The following MACROD2 variants were observed in gnomAD, a reference collection of about 807,000 sequenced individuals.
The protein encoded by MACROD2 is ADP-ribose glycohydrolase MACROD2.
A neutral mutation model predicts 70.4 loss-of-function variants in MACROD2; 36 were observed. The observed-to-expected ratio is 0.51, with a 90% CI of 0.39 to 0.68. The LOEUF is 0.68. Among genes scored for constraint, MACROD2 ranks in the 30% least tolerant of loss-of-function variants. The pLI is 0.00. For missense variants in MACROD2, 496 were observed against 538.4 expected, an observed-to-expected ratio of 0.92 and a Z score of 0.78; for synonymous variants, 172 against 178.8, an observed-to-expected ratio of 0.96 and a Z score of 0.30.
chr20:15,440,603 G>A (rs2046482971), intron 7 of MACROD2, among the ~76,000 whole-genome samples: 1 of 152,106 alleles, frequency 6.6e-6, no homozygotes, highest in Non-Finnish European at 1.5e-5. Context: ...AAAAAATTAG[G>A]GCATTCTCCA....
intron 5 of MACROD2, among the ~76,000 whole-genome samples, chr20:15,188,798 A>G (rs1346299296): frequency 2.0e-5 from 3 of 152,138 alleles, no homozygotes; most frequent in Non-Finnish European, 4.4e-5. Context: ...TCTGCTTGGC[A>G]ATTTGTAATT....
chr20:15,250,107 A>G (rs1394971475), intron 6 of MACROD2, among the ~76,000 whole-genome samples: 2 of 152,224 alleles, frequency 1.3e-5, no homozygotes, highest in African/African-American at 4.8e-5. Context: ...TGGAAGGTCC[A>G]GGAAGGTCAT....
intron 10 of MACROD2, among the ~76,000 whole-genome samples, chr20:15,908,839 C>T (rs1409903764): frequency 1.3e-5 from 2 of 152,192 alleles, no homozygotes; most frequent in African/African-American, 4.8e-5. Context: ...TGACATTTCT[C>T]TTGCTTAGCT....
intron 2 of MACROD2, among the ~76,000 whole-genome samples, chr20:14,033,581 A>G (rs1175628270): frequency 2.0e-5 from 3 of 152,228 alleles, no homozygotes; most frequent in Non-Finnish European, 4.4e-5. Context: ...ATGCAAGGAT[A>G]TATCTTTCCC....
At chr20:15,379,210 A>G (rs779246271) in intron 6 of MACROD2, among the ~76,000 whole-genome samples, 2 of 152,198 alleles carry the variant, frequency 1.3e-5, no homozygotes. Flanking sequence ...TATAAATTAC[A>G]CAACACCTAA....
intron 10 of MACROD2, among the ~76,000 whole-genome samples, chr20:15,916,626 C>A (rs1248822486): frequency 6.6e-6 from 1 of 152,242 alleles, no homozygotes; most frequent in Non-Finnish European, 1.5e-5. Context: ...TATTTGAGAT[C>A]TCTTTAAATA....
At chr20:14,008,251 G>A (rs1301300540) in intron 2 of MACROD2, among the ~76,000 whole-genome samples, 1 of 152,198 alleles carries the variant, frequency 6.6e-6, no homozygotes, top group Non-Finnish European at 1.5e-5. Flanking sequence ...AGCTTTTCAA[G>A]CTGATAAGCA....
intron 10 of MACROD2, among the ~76,000 whole-genome samples, chr20:15,892,197 T>G (rs2147222143): frequency 6.6e-6 from 1 of 152,280 alleles, no homozygotes; most frequent in South Asian, 2.1e-4. Context: ...AGATATCCAT[T>G]CCTAAATCCC....
At chr20:14,734,678 A>G (rs1340012165) in intron 5 of MACROD2, among the ~76,000 whole-genome samples, 1 of 152,188 alleles carries the variant, frequency 6.6e-6, no homozygotes, top group Non-Finnish European at 1.5e-5. Context: ...CTCCATAGCC[A>G]AAATGACTTT....
At chr20:15,750,781 T>G (rs1206889736) in intron 8 of MACROD2, among the ~76,000 whole-genome samples, 1 of 151,960 alleles carries the variant, frequency 6.6e-6, no homozygotes, top group Non-Finnish European at 1.5e-5. Context: ...AATGAAAAAC[T>G]ATTTGGCTAT....
chr20:14,037,899 C>T (rs1348763648), intron 2 of MACROD2, among the ~76,000 whole-genome samples: 1 of 151,718 alleles, frequency 6.6e-6, no homozygotes, highest in Admixed American at 6.6e-5. Context: ...CCTGTAGCCT[C>T]GGCTACTCAG....
intron 3 of MACROD2, among the ~76,000 whole-genome samples, chr20:14,239,069 A>G (rs183257786): frequency 4.0e-5 from 6 of 151,108 alleles, no homozygotes; most frequent in Admixed American, 3.3e-4. Context: ...CAGCCTTCCT[A>G]TACACCAGCA....
chr20:15,296,281 A>G (rs1056962072), intron 6 of MACROD2, among the ~76,000 whole-genome samples: 7 of 152,214 alleles, frequency 4.6e-5, no homozygotes, highest in Non-Finnish European at 8.8e-5. Flanking sequence ...CTTTTTCAAC[A>G]TAAAAATTAG....
chr20:14,423,150 A>T (rs1013069473), intron 3 of MACROD2, among the ~76,000 whole-genome samples: 2 of 152,224 alleles, frequency 1.3e-5, no homozygotes, highest in Non-Finnish European at 2.9e-5. Flanking sequence ...GGGAACTGGA[A>T]TGCTCTGGTT....
chr20:14,111,596 G>A (rs780139565), intron 3 of MACROD2, among the ~76,000 whole-genome samples: 1 of 151,876 alleles, frequency 6.6e-6, no homozygotes, highest in Non-Finnish European at 1.5e-5. Flanking sequence ...TGTCAAACAG[G>A]CATATGAAAA....
chr20:14,301,385 T>C (rs1268853686), intron 3 of MACROD2, among the ~76,000 whole-genome samples: 1 of 152,192 alleles, frequency 6.6e-6, no homozygotes. Context: ...TATTTCAACA[T>C]AAACTATCTG....
At chr20:15,680,284 A>G (rs1027285730) in intron 8 of MACROD2, among the ~76,000 whole-genome samples, 4 of 152,232 alleles carry the variant, frequency 2.6e-5, no homozygotes, top group Non-Finnish European at 5.9e-5. Flanking sequence ...TTCAAGAAAC[A>G]GAAATAAAGT....
At chr20:14,257,480 G>A (rs543609493) in intron 3 of MACROD2, among the ~76,000 whole-genome samples, 2 of 152,102 alleles carry the variant, frequency 1.3e-5, no homozygotes, top group South Asian at 4.1e-4. Flanking sequence ...AAAAGAAAAA[G>A]TATAGTATAG....
At chr20:15,115,406 T>A (rs970518861) in intron 5 of MACROD2, among the ~76,000 whole-genome samples, 2 of 152,066 alleles carry the variant, frequency 1.3e-5, no homozygotes, top group Admixed American at 6.6e-5. Context: ...ATTTTTTTTG[T>A]AGAGATGGGG....
Sources: gnomAD v4.1 joint callset for allele counts (sites outside exome capture counted in the v4.1 genomes callset) on GRCh38, gnomAD v4.1.1 for gene constraint, MANE v1.5 for transcripts, NCBI Gene and HGNC (gene_info 2026-07-23, HGNC 2026-07-21) for gene names.